The following PAPOLG variants were observed in gnomAD, a reference collection of about 807,000 sequenced individuals.
PAPOLG encodes the protein poly(A) polymerase gamma.
A neutral mutation model predicts 99.0 loss-of-function variants in PAPOLG; 40 were observed. The observed-to-expected ratio is 0.40, with a 90% CI of 0.31 to 0.53. The LOEUF is 0.53. PAPOLG is among the 20% of genes least tolerant of loss of function. PAPOLG has a pLI of 0.41. For synonymous variants in PAPOLG, 310 were observed against 299.3 expected, an observed-to-expected ratio of 1.04 and a Z score of -0.37; for missense variants, 675 against 884.1, an observed-to-expected ratio of 0.76 and a Z score of 3.00.
At chr2:60,765,869 T>A (rs1433883128) in intron 3 of PAPOLG, among the ~76,000 whole-genome samples, 2 of 152,158 alleles carry the variant, frequency 1.3e-5, no homozygotes, top group Non-Finnish European at 2.9e-5. Context: ...TAGTCCCAGC[T>A]ACTCAGGAGG....
chr2:60,786,900 A>C, intron 13 of PAPOLG, 47 bp from the exon 14 acceptor site: 1 of 1,574,116 alleles, frequency 6.4e-7, no homozygotes, highest in Middle Eastern at 1.7e-4. Flanking sequence ...TGTAGCTTTC[A>C]AATTTAAAGT....
At position 60,798,434 on chromosome 2, in the gene PAPOLG, A is replaced by G. The variant is rs1348300210; in HGVS notation, c.*1274A>G. The G allele has an allele frequency of 6.5e-6, 1 of 152,772 alleles. No individual in the cohort carries two copies. The highest frequency in any genetic ancestry group is 2.4e-5 in the African/African-American group (1 of 41,436). The allele number at this position is 152,772 out of a possible 1,614,324, so 9.5% of individuals were successfully genotyped here. ...AGAGTATTTTTGTATGTACTGTAAG[A>G]TACCATCTTTTCAAAGAGAAACGTT... On this transcript the variant is annotated 3_prime_UTR_variant, in exon 22 of 22. Transcript: ENST00000238714.
In PAPOLG at chr2:60,791,783, A is replaced by C. The variant is rs1671543391; in HGVS notation, c.1419A>C (p.Ile473=). 1 of 1,612,938 alleles carries C rather than the reference A, an allele frequency of 6.2e-7. No individual in the cohort carries two copies. The highest frequency in any genetic ancestry group is 8.5e-7 in the Non-Finnish European group (1 of 1,179,650). ...TDTVYRQANN[I]NMLKEGMKIE... Reference sequence around the variant, plus strand: ...CAGTGTACAGACAGGCAAACAATATAAATATGCTAAAGGAGGGAATGAAAA... The same window carrying C: ...CAGTGTACAGACAGGCAAACAATATCAATATGCTAAAGGAGGGAATGAAAA... The change falls in exon 16 of 22, where the codon ATA becomes ATC. Residue 473 remains isoleucine (I), a synonymous_variant. Coordinates refer to ENST00000238714, the MANE Select transcript of PAPOLG (RefSeq NM_022894.4).
intron 2 of PAPOLG, 120 bp from the exon 3 acceptor site, chr2:60,761,621 C>T (rs1467204781): frequency 5.1e-6 from 4 of 782,120 alleles, no homozygotes; most frequent in Non-Finnish European, 2.1e-6. Flanking sequence ...ATAGCATTAT[C>T]ACATATATGT....
At chr2:60,769,885 G>T (rs1169865289) in intron 5 of PAPOLG, among the ~76,000 whole-genome samples, 2 of 152,066 alleles carry the variant, frequency 1.3e-5, no homozygotes, top group East Asian at 3.9e-4. Flanking sequence ...AGATCTGCAT[G>T]CATTAGGTAT....
intron 21 of PAPOLG, 158 bp from the exon 22 acceptor site, chr2:60,796,904 A>G (rs749470090): frequency 3.1e-5 from 14 of 449,690 alleles, no homozygotes; most frequent in South Asian, 9.5e-5. Flanking sequence ...AGAGTTCCCT[A>G]TGAACACGGA....
At chr2:60,781,564 A>G (rs1671189901) in intron 10 of PAPOLG, among the ~76,000 whole-genome samples, 1 of 152,186 alleles carries the variant, frequency 6.6e-6, no homozygotes, top group Non-Finnish European at 1.5e-5. Flanking sequence ...AAAAGGATTG[A>G]GAACCATTAA....
intron 1 of PAPOLG, among the ~76,000 whole-genome samples, chr2:60,758,973 G>T (rs370344610): frequency 7.9e-5 from 12 of 152,300 alleles, no homozygotes; most frequent in East Asian, 3.9e-4. Context: ...GTCGTTTAGT[G>T]TGTATGTTTT....
rs759463869 is a variant in PAPOLG at position 60,764,202 on chromosome 2, C to T, written c.246+2395C>T. Among the ~76,000 whole-genome samples the T allele has an allele frequency of 4.6e-5, 7 of 152,106 alleles. No individual in the cohort carries two copies. The South Asian group carries it at 6.2e-4, about 14-fold the overall frequency. ...GAGAGAATGTTCAACTGGGTGATAC[C>T]ATTTGCCTCATCACTAGGTAGCCCA... On this transcript the variant is annotated intron_variant, in intron 3 of 21. Transcript: ENST00000238714.
At chr2:60,780,868 G>C in intron 10 of PAPOLG, 89 bp downstream of exon 10, 1 of 1,044,304 alleles carries the variant, frequency 9.6e-7, no homozygotes, top group Non-Finnish European at 1.5e-6. Context: ...AGTTCCTCTT[G>C]TCTCTGTTCT....
At position 60,768,805 on chromosome 2, in the gene PAPOLG, T is replaced by C. The variant is rs764146056; in HGVS notation, c.353T>C (p.Val118Ala). The change falls in exon 5 of 22, where the codon GTA (valine) becomes GCA (alanine). Residue 118 changes from valine to alanine, a missense_variant. By Grantham distance (64) the Val-to-Ala change is moderately conservative. Coordinates refer to ENST00000238714, the MANE Select transcript of PAPOLG (RefSeq NM_022894.4). Reference protein sequence around the residue: ...TKGADIDALCVAPRHVERSDF... With the variant: ...TKGADIDALCAAPRHVERSDF... ...GGAGCTGACATTGATGCACTTTGTGTAGCTCCAAGACATGTGGAAAGATCT... is the reference window on the plus strand; with the variant it reads ...GGAGCTGACATTGATGCACTTTGTGCAGCTCCAAGACATGTGGAAAGATCT... The C allele has an allele frequency of 6.3e-7, 1 of 1,585,980 alleles. No homozygotes were observed. The highest frequency in any genetic ancestry group is 8.6e-7 in the Non-Finnish European group (1 of 1,164,226).
chr2:60,766,058 T>TAA (rs1670667120), intron 3 of PAPOLG, among the ~76,000 whole-genome samples: 1 of 152,212 alleles, frequency 6.6e-6, no homozygotes, highest in South Asian at 2.1e-4. Context: ...AATATCCTAT[T>TAA]ATATAGATAC....
At chr2:60,789,713 A>G (rs367669392) in intron 15 of PAPOLG, among the ~76,000 whole-genome samples, 5 of 152,364 alleles carry the variant, frequency 3.3e-5, no homozygotes, top group Middle Eastern at 3.4e-3. Context: ...GAATAGTTAT[A>G]CATTCATACT....
At chr2:60,779,845 A>G in intron 9 of PAPOLG, 70 bp downstream of exon 9, 3 of 1,364,028 alleles carry the variant, frequency 2.2e-6, no homozygotes, top group Non-Finnish European at 3.1e-6. Flanking sequence ...TTGGAAATTT[A>G]AGAGCTATAC....
intron 21 of PAPOLG, 29 bp from the exon 22 acceptor site, chr2:60,797,033 C>CT: frequency 6.2e-7 from 1 of 1,612,270 alleles, no homozygotes; most frequent in Non-Finnish European, 8.5e-7. Context: ...TGTGCTTTTC[C>CT]TTTTTTGTTT....
intron 21 of PAPOLG, 142 bp from the exon 22 acceptor site, chr2:60,796,920 A>T: frequency 1.3e-5 from 13 of 1,014,106 alleles, no homozygotes; most frequent in Non-Finnish European, 1.5e-5. Context: ...ACGGAAGGAA[A>T]TATTCATTGC....
At chr2:60,787,104 A>C in intron 14 of PAPOLG, 38 bp downstream of exon 14, 1 of 1,496,766 alleles carries the variant, frequency 6.7e-7, no homozygotes, top group South Asian at 1.3e-5. Flanking sequence ...TTTCTTAAAT[A>C]ATGTTATTTG....
rs777759117 is a variant in PAPOLG at position 60,756,437 on chromosome 2, C to T, written c.-42C>T. On this transcript the variant is annotated 5_prime_UTR_variant, in exon 1 of 22. Transcript: ENST00000238714. The stretch of plus-strand genomic sequence containing the variant: ...GAAGGGAACAGCAAGAACAGGACTC[C>T]AGAGCGATAAACACTCGCTGGAGAG... 5.6e-6 allele frequency: 9 copies of T among 1,612,392 alleles called. No individual in the cohort carries two copies. The highest frequency in any genetic ancestry group is 7.6e-6 in the Non-Finnish European group (9 of 1,179,468).
At chr2:60,780,677 G>A (rs1361930015) in intron 9 of PAPOLG, 30 bp from the exon 10 acceptor site, 2 of 1,609,136 alleles carry the variant, frequency 1.2e-6, no homozygotes, top group Non-Finnish European at 1.7e-6. Context: ...GTGAGATCAT[G>A]TGTAAGTTAA....
Sources: gnomAD v4.1 joint callset for allele counts (sites outside exome capture counted in the v4.1 genomes callset) on GRCh38, gnomAD v4.1.1 for gene constraint, MANE v1.5 for transcripts, NCBI Gene and HGNC (gene_info 2026-07-23, HGNC 2026-07-21) for gene names.